The following DDX10 variants were observed in gnomAD, a reference collection of about 807,000 sequenced individuals.
DDX10 encodes probable ATP-dependent RNA helicase DDX10.
In DDX10, 74 loss-of-function variants were observed where a neutral mutation model predicts 104.3. That is an observed-to-expected ratio of 0.71 (90% CI 0.59 to 0.86). The LOEUF (loss-of-function observed/expected upper bound fraction) is 0.86. Among genes scored for constraint, DDX10 ranks in the 40% least tolerant of loss-of-function variants. The probability of loss-of-function intolerance (pLI) is 0.00; values close to 1 mark genes in which losing one functional copy is unlikely to be tolerated. For synonymous variants in DDX10, 351 were observed against 353.4 expected (o/e 0.99, Z 0.08); for missense variants, 952 against 1,040.0 (o/e 0.92, Z 1.16).
intron 11 of DDX10, among the ~76,000 whole-genome samples, chr11:108,716,995 A>G (rs1261658375): frequency 6.6e-6 from 1 of 151,930 alleles, no homozygotes; most frequent in Non-Finnish European, 1.5e-5. Flanking sequence ...ATTTTTCATT[A>G]TGCTTTCCAA....
intron 17 of DDX10, among the ~76,000 whole-genome samples, chr11:108,938,142 A>G (rs1864059922): frequency 6.6e-6 from 1 of 152,020 alleles, no homozygotes; most frequent in Non-Finnish European, 1.5e-5. Flanking sequence ...ATATTTCATT[A>G]TTTTGTTACA....
chr11:108,758,643 C>T (rs111943139), intron 13 of DDX10, among the ~76,000 whole-genome samples: 10 of 152,120 alleles, frequency 6.6e-5, no homozygotes, highest in African/African-American at 1.7e-4. Context: ...CCACATTGGC[C>T]TCTTTCTGTA....
At position 108,790,653 on chromosome 11, in the gene DDX10, G is replaced by A. The variant is rs139577162; in HGVS notation, c.1966-47793G>A. On this transcript the variant is annotated intron_variant, in intron 13 of 17. Coordinates refer to ENST00000322536, the MANE Select transcript of DDX10 (RefSeq NM_004398.4). ...TCACCTTGTTCCAGAGGATGTAGGT[G>A]TACTCAGATGCATGCATTTGTGGCC... 6.5e-3 allele frequency among the ~76,000 whole-genome samples: 989 copies of A among 152,228 alleles called. 25 individuals are homozygous for A. Among genetic ancestry groups the A allele is most frequent in the Admixed American group, 0.04 (608 of 15,288 alleles).
chr11:108,892,510 C>T (rs564188369), intron 16 of DDX10, among the ~76,000 whole-genome samples: 56 of 152,170 alleles, frequency 3.7e-4, no homozygotes, highest in African/African-American at 1.3e-3. Flanking sequence ...ATATTTTTAA[C>T]CTCATTTGTT....
At chr11:108,862,598 T>G (rs1394510296) in intron 16 of DDX10, among the ~76,000 whole-genome samples, 1 of 152,214 alleles carries the variant, frequency 6.6e-6, no homozygotes, top group Non-Finnish European at 1.5e-5. Flanking sequence ...CAAAACAATT[T>G]CCTCTAAATG....
chr11:108,890,013 T>C (rs1341627723), intron 16 of DDX10, among the ~76,000 whole-genome samples: 4 of 152,166 alleles, frequency 2.6e-5, no homozygotes, highest in East Asian at 1.9e-4. Flanking sequence ...AAAAAGCATA[T>C]AGAACTTGAT....
intron 16 of DDX10, among the ~76,000 whole-genome samples, chr11:108,877,494 T>C (rs1464362869): frequency 6.6e-6 from 1 of 152,214 alleles, no homozygotes; most frequent in African/African-American, 2.4e-5. Context: ...TGTTACAGCA[T>C]AGTTGCTGTA....
chr11:108,753,530 T>G (rs2094341032), intron 13 of DDX10, among the ~76,000 whole-genome samples: 1 of 152,066 alleles, frequency 6.6e-6, no homozygotes, highest in African/African-American at 2.4e-5. Context: ...CCGTTCTCCC[T>G]CTGTCCATCG....
At position 108,847,782 on chromosome 11, in the gene DDX10, A is replaced by G. The variant is rs193106122; in HGVS notation, c.2248-4371A>G. On this transcript the variant is annotated intron_variant, in intron 15 of 17. Transcript: ENST00000322536. The stretch of plus-strand genomic sequence containing the variant: ...TAACTGGACCCTGCAGTAAGTTTAC[A>G]TGTATCGTCATATTATATGCTAATA... Among the ~76,000 whole-genome samples, 119 of 152,328 alleles carry G rather than the reference A, an allele frequency of 7.8e-4. 1 individual carries two copies. Among genetic ancestry groups the G allele is most frequent in the African/African-American group, 2.8e-3 (116 of 41,572 alleles).
chr11:108,879,216 GATCTCGATCTTCTGACC>G (rs2134630422), intron 16 of DDX10, among the ~76,000 whole-genome samples: 1 of 152,220 alleles, frequency 6.6e-6, no homozygotes, highest in East Asian at 1.9e-4. Context: ...TGGCCAGGAT[GATCTCGATCTTCTGACC>G]TCGTGATCTG....
At chr11:108,715,780 C>T (rs2094290543) in intron 10 of DDX10, 99 bp from the exon 11 acceptor site, 1 of 655,294 alleles carries the variant, frequency 1.5e-6, no homozygotes, top group Non-Finnish European at 2.7e-6. Flanking sequence ...AATAGTTATA[C>T]ATTTAAAAAT....
chr11:108,724,913 G>A (rs1414178817), intron 13 of DDX10, among the ~76,000 whole-genome samples: 14 of 151,830 alleles, frequency 9.2e-5, no homozygotes, highest in Admixed American at 9.2e-4. Flanking sequence ...TTGAGTTTTG[G>A]CAAATGTATG....
chr11:108,826,951 A>T (rs1232793126), intron 13 of DDX10, among the ~76,000 whole-genome samples: 1 of 152,260 alleles, frequency 6.6e-6, no homozygotes, highest in African/African-American at 2.4e-5. Context: ...CGAAAGGCAA[A>T]TATTGAGTCA....
chr11:108,877,700 G>C (rs1863171167), intron 16 of DDX10, among the ~76,000 whole-genome samples: 2 of 152,210 alleles, frequency 1.3e-5, no homozygotes, highest in Admixed American at 6.5e-5. Context: ...TTGTGGATCT[G>C]AGTAGATACA....
At chr11:108,748,954 ACG>A (rs2094335099) in intron 13 of DDX10, among the ~76,000 whole-genome samples, 1 of 151,902 alleles carries the variant, frequency 6.6e-6, no homozygotes, top group Admixed American at 6.6e-5. Context: ...ATGAGCCACC[ACG>A]CCTGGCCTAA....
At chr11:108,754,319 T>G (rs1330444321) in intron 13 of DDX10, among the ~76,000 whole-genome samples, 1 of 152,070 alleles carries the variant, frequency 6.6e-6, no homozygotes, top group African/African-American at 2.4e-5. Flanking sequence ...AGTGTCCTCA[T>G]AGTATTTATT....
intron 17 of DDX10, among the ~76,000 whole-genome samples, chr11:108,925,137 C>T (rs573172131): frequency 1.6e-3 from 241 of 152,156 alleles, no homozygotes; most frequent in Middle Eastern, 3.4e-3. Context: ...ACTCCTGAGG[C>T]AGATTGTTGG....
intron 10 of DDX10, among the ~76,000 whole-genome samples, chr11:108,711,026 A>G (rs2094283638): frequency 6.6e-6 from 1 of 152,126 alleles, no homozygotes; most frequent in African/African-American, 2.4e-5. Flanking sequence ...TGGCCTCCCA[A>G]AGTGCTAGAA....
chr11:108,877,346 T>G (rs891353766), intron 16 of DDX10, among the ~76,000 whole-genome samples: 7 of 152,190 alleles, frequency 4.6e-5, no homozygotes, highest in African/African-American at 1.4e-4. Context: ...AAACATCTAG[T>G]AAGTTGTGTA....
Sources: allele counts gnomAD v4.1 joint callset (sites outside exome capture counted in the v4.1 genomes callset), GRCh38; gene constraint gnomAD v4.1.1; transcripts MANE v1.5; gene names NCBI Gene and HGNC (gene_info 2026-07-23, HGNC 2026-07-21).